RNF180: variants seen among roughly 807,000 people sequenced by gnomAD.
RNF180 encodes ring finger protein 180.
A neutral mutation model predicts 59.2 loss-of-function variants in RNF180; 38 were observed. The ratio of observed to expected loss-of-function variants is 0.64; its 90% CI spans 0.50 to 0.84. RNF180 has a LOEUF of 0.84. Ranked by LOEUF, RNF180 falls within the 40% of genes least tolerant of loss-of-function variation. The pLI is 0.00. For synonymous variants in RNF180, 262 were observed against 240.3 expected, an observed-to-expected ratio of 1.09 and a Z score of -0.84; for missense variants, 705 against 700.9, an observed-to-expected ratio of 1.01 and a Z score of -0.07.
At chr5:64,215,529 G>A (rs1170588942) in intron 4 of RNF180, among the ~76,000 whole-genome samples, 1 of 151,626 alleles carries the variant, frequency 6.6e-6, no homozygotes, top group Non-Finnish European at 1.5e-5. Flanking sequence ...TATATTTTTG[G>A]TTGCTAAAAC....
intron 7 of RNF180, among the ~76,000 whole-genome samples, chr5:64,349,526 A>C (rs1561275467): frequency 6.6e-6 from 1 of 151,244 alleles, no homozygotes; most frequent in Non-Finnish European, 1.5e-5. Flanking sequence ...GGTGTGCTGC[A>C]CCCATTAACT....
intron 7 of RNF180, among the ~76,000 whole-genome samples, chr5:64,349,642 G>C (rs995180434): frequency 2.0e-5 from 3 of 151,818 alleles, no homozygotes; most frequent in East Asian, 3.9e-4. Flanking sequence ...CTGTGTCCAA[G>C]TGTTCTCATT....
chr5:64,176,735 A>G (rs927386403), intron 1 of RNF180, among the ~76,000 whole-genome samples: 1 of 152,320 alleles, frequency 6.6e-6, no homozygotes, highest in Admixed American at 6.5e-5. Flanking sequence ...ATGGTTTGAT[A>G]TCTGGAAAAC....
At chr5:64,305,351 A>G (rs369365652) in intron 5 of RNF180, among the ~76,000 whole-genome samples, 60 of 151,588 alleles carry the variant, frequency 4.0e-4, no homozygotes, top group Admixed American at 1.1e-3. Context: ...TGGGGGTCCT[A>G]TAATTTCTAG....
At position 64,317,557 on chromosome 5, in the gene RNF180, T is replaced by C. The variant is rs138088378; in HGVS notation, c.1228-7629T>C. ...ATATATGTATATTTATATATACATATATACACATACATATATATACACATA... is the reference window on the plus strand; with the variant it reads ...ATATATGTATATTTATATATACATACATACACATACATATATATACACATA... On this transcript the variant is annotated intron_variant, in intron 5 of 7. Coordinates refer to ENST00000389100, the MANE Select transcript of RNF180 (RefSeq NM_001113561.2). Among the ~76,000 whole-genome samples, 21 of 121,562 alleles carry C rather than the reference T, an allele frequency of 1.7e-4. No homozygotes were observed. In the South Asian group the frequency reaches 4.6e-3, roughly 27 times the overall value. 79.7% of individuals were successfully genotyped at this position (121,562 alleles called of 152,430 possible). A position where few individuals can be genotyped will look rare whatever the true frequency, so the allele number is the denominator to read the frequency against.
intron 7 of RNF180, among the ~76,000 whole-genome samples, chr5:64,333,650 AC>A (rs1367054116): frequency 6.6e-6 from 1 of 152,058 alleles, no homozygotes; most frequent in Non-Finnish European, 1.5e-5. Context: ...AGAATGGAGT[AC>A]CTTCTGGATA....
rs141510885 is a variant in RNF180 at position 64,214,159 on chromosome 5, A to T, written c.833A>T (p.Tyr278Phe). Residue 278 changes from tyrosine to phenylalanine, a missense_variant, in exon 4 of 8, where the codon TAT becomes TTT. Coordinates refer to ENST00000389100, the MANE Select transcript of RNF180 (RefSeq NM_001113561.2). ...GLPLQSSKNS[Y>F]SFQNPSSFDP... ...CCTTTACAATCTAGTAAAAATAGCT[A>T]TTCCTTTCAGAATCCATCCAGTTTT... is the stretch of plus-strand genomic sequence containing the variant. 6.2e-6 allele frequency: 10 copies of T among 1,614,152 alleles called. No homozygotes were observed. The highest frequency in any genetic ancestry group is 8.5e-6 in the Non-Finnish European group (10 of 1,180,016).
At chr5:64,317,501 A>G (rs1744101988) in intron 5 of RNF180, among the ~76,000 whole-genome samples, 1 of 151,322 alleles carries the variant, frequency 6.6e-6, no homozygotes, top group South Asian at 2.1e-4. Flanking sequence ...GCAAAATGCA[A>G]TAAAGCCAAG....
chr5:64,169,004 A>G (rs1749797031), intron 1 of RNF180, among the ~76,000 whole-genome samples: 1 of 152,216 alleles, frequency 6.6e-6, no homozygotes, highest in Non-Finnish European at 1.5e-5. Flanking sequence ...TTAACATCAG[A>G]TTACTTAAGG....
chr5:64,173,940 A>G (rs1048420867), intron 1 of RNF180, among the ~76,000 whole-genome samples: 1 of 151,902 alleles, frequency 6.6e-6, no homozygotes, highest in Non-Finnish European at 1.5e-5. Flanking sequence ...GTTCTCAAAC[A>G]CCTGACCTCG....
intron 7 of RNF180, among the ~76,000 whole-genome samples, chr5:64,366,801 T>C (rs1746467426): frequency 1.3e-5 from 2 of 151,636 alleles, no homozygotes; most frequent in South Asian, 4.1e-4. Flanking sequence ...ACGAAAGGGA[T>C]AGGAAACATA....
chr5:64,350,138 G>A (rs1258656130), intron 7 of RNF180, among the ~76,000 whole-genome samples: 1 of 152,112 alleles, frequency 6.6e-6, no homozygotes. Context: ...TCTCACTGTG[G>A]TTTTGATTTG....
At chr5:64,207,640 A>T (rs1752086690) in intron 2 of RNF180, among the ~76,000 whole-genome samples, 1 of 152,148 alleles carries the variant, frequency 6.6e-6, no homozygotes, top group Non-Finnish European at 1.5e-5. Flanking sequence ...GTGAATTAGA[A>T]AGGTACCAAG....
chr5:64,281,437 T>C (rs1036917155), intron 5 of RNF180, among the ~76,000 whole-genome samples: 90 of 152,358 alleles, frequency 5.9e-4, no homozygotes, highest in Non-Finnish European at 1.0e-3. Flanking sequence ...GGCTGTGGGT[T>C]TGTCATAGAT....
intron 7 of RNF180, among the ~76,000 whole-genome samples, chr5:64,352,317 C>T (rs1027155508): frequency 3.3e-5 from 5 of 151,858 alleles, no homozygotes; most frequent in African/African-American, 1.2e-4. Context: ...GTCTTGCTAG[C>T]AGTCTATCAA....
intron 5 of RNF180, among the ~76,000 whole-genome samples, chr5:64,250,994 A>G (rs926716059): frequency 3.3e-5 from 5 of 152,224 alleles, no homozygotes; most frequent in African/African-American, 1.2e-4. Flanking sequence ...ACATCACATT[A>G]AAAAGATCAT....
rs1453851459 is a variant in RNF180 at position 64,195,896 on chromosome 5, A to G, written c.1-4912A>G. On this transcript the variant is annotated intron_variant, in intron 1 of 7. Coordinates refer to ENST00000389100, the MANE Select transcript of RNF180 (RefSeq NM_001113561.2). ...ACCATCTCAGATTGGCACCATTAAG[A>G]CATGCCAATTAATCTAACATGTATA... is the stretch of plus-strand genomic sequence containing the variant. Among the ~76,000 whole-genome samples the G allele has an allele frequency of 5.3e-5, 8 of 152,188 alleles. 1 individual carries two copies. The highest frequency in any genetic ancestry group is 1.9e-4 in the East Asian group (1 of 5,200).
In RNF180 at chr5:64,325,355, C is replaced by T; in HGVS notation, c.1397C>T (p.Ser466Leu). 1 of 1,551,694 alleles carries T rather than the reference C, an allele frequency of 6.4e-7. No individual in the cohort carries two copies. The highest frequency in any genetic ancestry group is 8.7e-7 in the Non-Finnish European group (1 of 1,146,964). Residue 466 changes from serine to leucine, a missense_variant, in exon 6 of 8, where the codon TCA becomes TTA. Transcript: ENST00000389100. ...CLRTLAKDNP[S>L]STPCPLCRTI... is the part of the protein sequence containing the mutation. ...CGGACTCTGGCCAAAGACAATCCTT[C>T]AAGCACTCCATGCCCATTGTGTCGG... is the stretch of plus-strand genomic sequence containing the variant.
chr5:64,224,065 G>A (rs113826967), intron 5 of RNF180, among the ~76,000 whole-genome samples: 1,453 of 96,602 alleles, frequency 0.015, 9 homozygotes, highest in South Asian at 0.03. Context: ...AGGTTGGGGT[G>A]TGTGTGTGTG....
Sources: allele counts gnomAD v4.1 joint callset (sites outside exome capture counted in the v4.1 genomes callset), GRCh38; gene constraint gnomAD v4.1.1; transcripts MANE v1.5; gene names NCBI Gene and HGNC (gene_info 2026-07-23, HGNC 2026-07-21).